ZNF236: variants seen among roughly 807,000 people sequenced by gnomAD.
ZNF236 encodes the protein zinc finger protein 236.
Under a neutral mutation model 191.2 loss-of-function variants are expected in ZNF236, and 50 were observed. That is an observed-to-expected ratio of 0.26 (90% CI 0.21 to 0.33). ZNF236 has a LOEUF of 0.33. Among genes scored for constraint, ZNF236 ranks in the 10% least tolerant of loss-of-function variants. ZNF236 has a pLI of 1.00. For synonymous variants in ZNF236, 907 were observed against 928.8 expected (o/e 0.98, Z 0.43); for missense variants, 1,754 against 2,374.5 (o/e 0.74, Z 5.43).
intron 20 of ZNF236, 152 bp downstream of exon 20, chr18:76,920,210 T>G: frequency 2.1e-6 from 2 of 942,306 alleles, no homozygotes; most frequent in South Asian, 3.5e-5. Context: ...ATGTATGGTT[T>G]TAAGCTTGAA....
chr18:76,942,501 T>C (rs575373603), intron 26 of ZNF236, among the ~76,000 whole-genome samples: 1 of 151,886 alleles, frequency 6.6e-6, no homozygotes, highest in Non-Finnish European at 1.5e-5. Context: ...ATAATTTTTT[T>C]AATTTTTTAT....
intron 25 of ZNF236, among the ~76,000 whole-genome samples, chr18:76,930,314 C>T (rs999809991): frequency 6.6e-6 from 1 of 152,172 alleles, no homozygotes; most frequent in African/African-American, 2.4e-5. Flanking sequence ...ATACTTTTGT[C>T]TTTTGAATCT....
intron 1 of ZNF236, chr18:76,834,698 T>C (rs908041422): frequency 4.6e-6 from 2 of 437,644 alleles, no homozygotes; most frequent in South Asian, 1.9e-5. Context: ...GCCAGTTTGC[T>C]GACCTTTATA....
At chr18:76,943,920 G>A (rs948516179) in intron 26 of ZNF236, among the ~76,000 whole-genome samples, 5 of 152,182 alleles carry the variant, frequency 3.3e-5, no homozygotes, top group Admixed American at 6.5e-5. Flanking sequence ...ATTATGAACT[G>A]CTAAGAAAAA....
At position 76,971,535 on chromosome 18, in the gene ZNF236, C is replaced by T. The variant is rs1274961518; in HGVS notation, c.*3196C>T. ...CCCCTGTTGTAATATTTTAAGGAAACTTGATCTTTGAAATTATAGCTAGTG... is the reference window on the plus strand; with the variant it reads ...CCCCTGTTGTAATATTTTAAGGAAATTTGATCTTTGAAATTATAGCTAGTG... On this transcript the variant is annotated 3_prime_UTR_variant, in exon 31 of 31. Transcript: ENST00000320610. 6.6e-6 allele frequency among the ~76,000 whole-genome samples: 1 copy of T among 152,204 alleles called. No individual in the cohort carries two copies. Among genetic ancestry groups the T allele is most frequent in the Non-Finnish European group, 1.5e-5 (1 of 68,032 alleles).
intron 2 of ZNF236, among the ~76,000 whole-genome samples, chr18:76,851,179 C>T (rs941342944): frequency 1.3e-5 from 2 of 150,218 alleles, no homozygotes; most frequent in Admixed American, 6.7e-5. Flanking sequence ...GGTACCCATA[C>T]ACACTTACAA....
chr18:76,825,205 A>G (rs1401040761), intron 1 of ZNF236, among the ~76,000 whole-genome samples: 5 of 152,220 alleles, frequency 3.3e-5, no homozygotes, highest in South Asian at 4.1e-4. Flanking sequence ...TAGCGTCTTC[A>G]GAGAGGCCTT....
chr18:76,946,431 T>C (rs1369740210), intron 26 of ZNF236, among the ~76,000 whole-genome samples: 2 of 152,200 alleles, frequency 1.3e-5, no homozygotes, highest in Non-Finnish European at 2.9e-5. Context: ...CGGACTAATA[T>C]AGCATCCCCT....
intron 3 of ZNF236, among the ~76,000 whole-genome samples, chr18:76,856,733 G>T (rs1976051613): frequency 6.6e-6 from 1 of 151,948 alleles, no homozygotes; most frequent in African/African-American, 2.4e-5. Context: ...GGAAAGTTAG[G>T]TTTTTCTGCC....
intron 30 of ZNF236, among the ~76,000 whole-genome samples, chr18:76,964,205 A>G (rs1189788341): frequency 6.6e-6 from 1 of 152,216 alleles, no homozygotes. Flanking sequence ...TAGGGCTACG[A>G]ACTTTCCTCC....
chr18:76,878,957 G>A (rs2122637203), intron 7 of ZNF236, among the ~76,000 whole-genome samples: 1 of 152,086 alleles, frequency 6.6e-6, no homozygotes, highest in East Asian at 1.9e-4. Context: ...CATAATATTT[G>A]CAGTGTGGGA....
chr18:76,910,116 T>C lies in ZNF236; in HGVS notation c.2600T>C (p.Phe867Ser). Residue 867 changes from phenylalanine to serine, a missense_variant, in exon 15 of 31, where the codon TTT becomes TCT. Phe to Ser is a radical substitution (Grantham distance 155). Transcript: ENST00000320610. ...QDPLRGHVDQ[F>S]EEQSPAQQSF... The stretch of plus-strand genomic sequence containing the variant: ...CCTCTGCGAGGGCACGTAGACCAGT[T>C]TGAAGAGCAGAGCCCTGCGCAACAG... 6.2e-7 allele frequency: 1 copy of C among 1,613,832 alleles called. No homozygotes were observed. The highest frequency in any genetic ancestry group is 8.5e-7 in the Non-Finnish European group (1 of 1,179,702).
chr18:76,952,512 C>T (rs1354728428), intron 27 of ZNF236, among the ~76,000 whole-genome samples: 1 of 152,190 alleles, frequency 6.6e-6, no homozygotes, highest in Non-Finnish European at 1.5e-5. Flanking sequence ...TTTGAAGCAC[C>T]CTGGGTTTAT....
chr18:76,894,417 G>A (rs1977340534), intron 9 of ZNF236, among the ~76,000 whole-genome samples: 1 of 152,092 alleles, frequency 6.6e-6, no homozygotes, highest in Non-Finnish European at 1.5e-5. Context: ...AGGGACAGGT[G>A]TACTTACTAT....
At chr18:76,873,743 T>A (rs895846166) in intron 5 of ZNF236, among the ~76,000 whole-genome samples, 2 of 152,162 alleles carry the variant, frequency 1.3e-5, no homozygotes, top group African/African-American at 4.8e-5. Flanking sequence ...GGGTATCTCT[T>A]CGCAGGCAGT....
intron 16 of ZNF236, 77 bp downstream of exon 16, chr18:76,910,888 A>G (rs1311838615): frequency 3.9e-6 from 6 of 1,536,838 alleles, no homozygotes; most frequent in Non-Finnish European, 4.4e-6. Context: ...ATTATTAAAA[A>G]TTTCCTTAAG....
At chr18:76,837,143 C>CCCCCCCCCCCCCCG (rs1975358526) in intron 1 of ZNF236, among the ~76,000 whole-genome samples, 3 of 125,874 alleles carry the variant, frequency 2.4e-5, no homozygotes, top group African/African-American at 8.6e-5. Flanking sequence ...CCCCCCCGCC[C>CCCCCCCCCCCCCCG]CGCAAGCCTC....
intron 27 of ZNF236, among the ~76,000 whole-genome samples, chr18:76,951,221 G>A (rs1223562919): frequency 6.6e-6 from 1 of 152,226 alleles, no homozygotes; most frequent in Non-Finnish European, 1.5e-5. Flanking sequence ...TCACAAGAGA[G>A]TCAGCCTGTC....
chr18:76,949,473 G>C (rs1452862081), intron 27 of ZNF236, among the ~76,000 whole-genome samples: 1 of 152,036 alleles, frequency 6.6e-6, no homozygotes, highest in Non-Finnish European at 1.5e-5. Context: ...AAATGAGGTA[G>C]ATAACCAATC....
Sources: gnomAD v4.1 joint callset for allele counts (sites outside exome capture counted in the v4.1 genomes callset) on GRCh38, gnomAD v4.1.1 for gene constraint, MANE v1.5 for transcripts, NCBI Gene and HGNC (gene_info 2026-07-23, HGNC 2026-07-21) for gene names.